The following SCHIP1 variants were observed in gnomAD, a reference collection of about 807,000 sequenced individuals.
SCHIP1 encodes the protein schwannomin interacting protein 1, also known as schwannomin-interacting protein 1.
In SCHIP1, 8 loss-of-function variants were observed where a neutral mutation model predicts 29.7. That is an observed-to-expected ratio of 0.27 (90% CI 0.16 to 0.49). The LOEUF is 0.49. Ranked by LOEUF, SCHIP1 falls within the 20% of genes least tolerant of loss-of-function variation. The pLI is 0.99. For missense variants in SCHIP1, 193 were observed against 294.6 expected, an observed-to-expected ratio of 0.66 and a Z score of 2.52; for synonymous variants, 76 against 94.9, an observed-to-expected ratio of 0.80 and a Z score of 1.16.
the SCHIP1 span, among the ~76,000 whole-genome samples, chr3:159,712,248 A>C: frequency 6.6e-6 from 1 of 152,226 alleles, no homozygotes; most frequent in South Asian, 2.1e-4. Context: ...CCTTTCAGCT[A>C]TCCAGCCTCT....
chr3:159,722,458 C>T, the SCHIP1 span: 2 of 152,228 alleles, frequency 1.3e-5, no homozygotes, highest in South Asian at 2.1e-4. Flanking sequence ...CATTTCTTCT[C>T]GAGGCATCTC....
chr3:159,631,035 C>T, the SCHIP1 span, among the ~76,000 whole-genome samples: 1 of 151,792 alleles, frequency 6.6e-6, no homozygotes, highest in Non-Finnish European at 1.5e-5. Flanking sequence ...AGATATCTAT[C>T]CAAAGAAAAC....
At chr3:159,396,975 G>T in the SCHIP1 span, among the ~76,000 whole-genome samples, 1 of 141,730 alleles carries the variant, frequency 7.1e-6, no homozygotes, top group Non-Finnish European at 1.6e-5. Context: ...ACGTAGATTT[G>T]GTCTTTTCAC....
the SCHIP1 span, among the ~76,000 whole-genome samples, chr3:159,513,646 G>A: frequency 6.6e-6 from 1 of 152,152 alleles, no homozygotes. Context: ...CGGTGCCATG[G>A]AGACGGTCTG....
At chr3:159,765,273 G>C in the SCHIP1 span, 3 of 1,055,584 alleles carry the variant, frequency 2.8e-6, no homozygotes, top group Non-Finnish European at 3.9e-6. Context: ...GGCCAGGCCA[G>C]AGAGCCTGCC....
chr3:159,409,924 G>C, the SCHIP1 span, among the ~76,000 whole-genome samples: 4 of 152,184 alleles, frequency 2.6e-5, no homozygotes, highest in South Asian at 8.3e-4. Flanking sequence ...GCATAAAACA[G>C]ACACACAGAC....
the SCHIP1 span, among the ~76,000 whole-genome samples, chr3:159,677,297 A>G: frequency 0.037 from 5,655 of 152,282 alleles, 171 homozygotes; most frequent in East Asian, 0.08. Context: ...GCACACTCAG[A>G]GGCCCAAGGA....
At chr3:159,490,886 C>A in the SCHIP1 span, among the ~76,000 whole-genome samples, 1 of 152,118 alleles carries the variant, frequency 6.6e-6, no homozygotes, top group Non-Finnish European at 1.5e-5. Context: ...TGGCTCTACA[C>A]CAAGAAGTTT....
the SCHIP1 span, among the ~76,000 whole-genome samples, chr3:159,276,753 T>G: frequency 6.6e-6 from 1 of 152,188 alleles, no homozygotes; most frequent in East Asian, 1.9e-4. Context: ...ATTATCCAAA[T>G]AGAAATGTCT....
At chr3:159,420,781 C>G in the SCHIP1 span, among the ~76,000 whole-genome samples, 23 of 152,174 alleles carry the variant, frequency 1.5e-4, no homozygotes, top group South Asian at 3.7e-3. Context: ...GGAAGCTAGT[C>G]GATTTATTTG....
At chr3:159,730,896 A>G in the SCHIP1 span, among the ~76,000 whole-genome samples, 1 of 152,206 alleles carries the variant, frequency 6.6e-6, no homozygotes, top group African/African-American at 2.4e-5. Flanking sequence ...GGTTCCATTC[A>G]GTTGATTAAA....
chr3:159,630,142 G>A, the SCHIP1 span, among the ~76,000 whole-genome samples: 4 of 152,144 alleles, frequency 2.6e-5, no homozygotes, highest in Non-Finnish European at 5.9e-5. Context: ...ACTAAAATAT[G>A]AGATGCACAT....
chr3:159,311,862 A>G, the SCHIP1 span, among the ~76,000 whole-genome samples: 1 of 152,188 alleles, frequency 6.6e-6, no homozygotes, highest in Non-Finnish European at 1.5e-5. Flanking sequence ...AAGGTGGCTT[A>G]TAGTTAGAGT....
the SCHIP1 span, among the ~76,000 whole-genome samples, chr3:159,521,434 T>C: frequency 6.6e-6 from 1 of 152,246 alleles, no homozygotes; most frequent in East Asian, 1.9e-4. Context: ...TCTGGATTTA[T>C]GGCTTCTTTA....
upstream of SCHIP1, among the ~76,000 whole-genome samples, chr3:159,837,723 A>C (rs1019408403): frequency 6.9e-6 from 1 of 144,554 alleles, no homozygotes; most frequent in Non-Finnish European, 1.5e-5. Flanking sequence ...CCCCCGCCCG[A>C]AAAAAAAAAA....
At chr3:159,353,743 C>T in the SCHIP1 span, among the ~76,000 whole-genome samples, 1 of 152,066 alleles carries the variant, frequency 6.6e-6, no homozygotes, top group Non-Finnish European at 1.5e-5. Flanking sequence ...TTTACTTTGC[C>T]AAGGTAGCCC....
At chr3:159,812,260 C>T in the SCHIP1 span, among the ~76,000 whole-genome samples, 4 of 152,016 alleles carry the variant, frequency 2.6e-5, no homozygotes, top group South Asian at 2.1e-4. Flanking sequence ...TGTGAGCCAT[C>T]GCGCCCGGCC....
chr3:159,273,385 G>T, the SCHIP1 span: 2 of 1,000,426 alleles, frequency 2.0e-6, no homozygotes, highest in Non-Finnish European at 2.4e-6. Flanking sequence ...CTATTTTATT[G>T]TATTATTTTT....
chr3:159,708,671 A>G, the SCHIP1 span, among the ~76,000 whole-genome samples: 1 of 152,192 alleles, frequency 6.6e-6, no homozygotes, highest in Admixed American at 6.5e-5. Flanking sequence ...TTACAGAGGT[A>G]TGGGCAGGGT....
Sources: allele counts gnomAD v4.1 joint callset (sites outside exome capture counted in the v4.1 genomes callset), GRCh38; gene constraint gnomAD v4.1.1; transcripts MANE v1.5; gene names NCBI Gene and HGNC (gene_info 2026-07-23, HGNC 2026-07-21).